The following CTTNBP2 variants were observed in gnomAD, a reference collection of about 807,000 sequenced individuals.
The protein encoded by CTTNBP2 is cortactin-binding protein 2.
A neutral mutation model predicts 156.9 loss-of-function variants in CTTNBP2; 108 were observed. The ratio of observed to expected loss-of-function variants is 0.69; its 90% confidence interval spans 0.59 to 0.81. The LOEUF (loss-of-function observed/expected upper bound fraction) is 0.81. Among genes scored for constraint, CTTNBP2 ranks in the 30% least tolerant of loss-of-function variants. The pLI is 0.00. For missense variants in CTTNBP2, 1,924 were observed against 2,035.4 expected (o/e 0.95, Z 1.05); for synonymous variants, 767 against 751.8 (o/e 1.02, Z -0.33).
Position 117,791,749 on chromosome 7 carries a change from C to G in CTTNBP2, c.1447G>C (p.Val483Leu). 1 of 1,614,200 alleles carries G rather than the reference C, an allele frequency of 6.2e-7. No individual in the cohort carries two copies. The highest frequency in any genetic ancestry group is 8.5e-7 in the Non-Finnish European group (1 of 1,180,048). The change falls in exon 4 of 23, where the codon GTG becomes CTG. Residue 483 changes from valine to leucine, a missense_variant. Physicochemically the swap from Val to Leu is conservative, Grantham distance 32 (BLOSUM62 1). Transcript: ENST00000160373. ...GTATTCCGAGCTAGTTGTTTGGCCACTAGGTTGTCACGACTTGTAGGCGAG... is the reference window on the plus strand; with the variant it reads ...GTATTCCGAGCTAGTTGTTTGGCCAGTAGGTTGTCACGACTTGTAGGCGAG... The part of the protein sequence containing the change: ...DVSPTSRDNL[V>L]AKQLARNTVT...
At chr7:117,810,308 C>G (rs528562722) in intron 3 of CTTNBP2, among the ~76,000 whole-genome samples, 2 of 152,218 alleles carry the variant, frequency 1.3e-5, no homozygotes, top group South Asian at 4.2e-4. Context: ...ATTTTCATTT[C>G]CCCCCGCCAA....
intron 2 of CTTNBP2, among the ~76,000 whole-genome samples, chr7:117,813,523 G>T (rs1800406990): frequency 6.6e-6 from 1 of 151,976 alleles, no homozygotes; most frequent in African/African-American, 2.4e-5. Flanking sequence ...TATTGAACAG[G>T]ACCTGAATCA....
chr7:117,747,874 G>A (rs1250667673), intron 12 of CTTNBP2, among the ~76,000 whole-genome samples: 1 of 152,180 alleles, frequency 6.6e-6, no homozygotes. Context: ...ATGACCACCA[G>A]GATTCAGACC....
At chr7:117,748,673 A>G (rs1796467832) in intron 12 of CTTNBP2, among the ~76,000 whole-genome samples, 1 of 152,204 alleles carries the variant, frequency 6.6e-6, no homozygotes, top group South Asian at 2.1e-4. Context: ...TTTCCTTGTA[A>G]TCTAAGCCCA....
At chr7:117,861,522 C>T (rs1354950770) in intron 1 of CTTNBP2, among the ~76,000 whole-genome samples, 2 of 152,130 alleles carry the variant, frequency 1.3e-5, no homozygotes, top group African/African-American at 4.8e-5. Context: ...ACTCTCCTCT[C>T]CAAGGAGCTA....
chr7:117,746,351 G>A (rs112895363), intron 12 of CTTNBP2, among the ~76,000 whole-genome samples: 1,865 of 152,164 alleles, frequency 0.012, 37 homozygotes, highest in African/African-American at 0.043. Flanking sequence ...CCATAGCGAG[G>A]GTCTGCAGGG....
intron 6 of CTTNBP2, among the ~76,000 whole-genome samples, chr7:117,782,227 T>C (rs1224907476): frequency 6.6e-6 from 1 of 152,164 alleles, no homozygotes; most frequent in African/African-American, 2.4e-5. Context: ...TATTTTCTAT[T>C]TTTTTAAGTT....
At chr7:117,844,570 G>T (rs975822091) in intron 2 of CTTNBP2, among the ~76,000 whole-genome samples, 33 of 152,180 alleles carry the variant, frequency 2.2e-4, no homozygotes, top group African/African-American at 8.0e-4. Flanking sequence ...TGGACAAAAA[G>T]GAATTGCAGT....
At chr7:117,797,005 C>A (rs1238768504) in intron 3 of CTTNBP2, among the ~76,000 whole-genome samples, 1 of 152,168 alleles carries the variant, frequency 6.6e-6, no homozygotes, top group Admixed American at 6.5e-5. Context: ...GAAGAGTAAA[C>A]CCTCCTGTAA....
At position 117,749,160 on chromosome 7, in the gene CTTNBP2, C is replaced by A. The variant is rs146606459; in HGVS notation, c.3349-3061G>T. On this transcript the variant is annotated intron_variant, in intron 12 of 22. Coordinates refer to ENST00000160373, the MANE Select transcript of CTTNBP2 (RefSeq NM_033427.3). Reference sequence around the variant, plus strand: ...GTGTGTTCTTCCCTGAGTTTTCAGACTGAAAACTGTTCTGCAGTATTCTTC... The same window carrying A: ...GTGTGTTCTTCCCTGAGTTTTCAGAATGAAAACTGTTCTGCAGTATTCTTC... Among the ~76,000 whole-genome samples the A allele has an allele frequency of 1.9e-3, 286 of 152,308 alleles. 3 individuals are homozygous for A. The highest frequency in any genetic ancestry group is 0.014 in the Middle Eastern group (4 of 294).
chr7:117,738,930 T>G (rs993125441), intron 14 of CTTNBP2, among the ~76,000 whole-genome samples: 2 of 152,206 alleles, frequency 1.3e-5, no homozygotes, highest in African/African-American at 4.8e-5. Context: ...ATGGACAGTT[T>G]GTGCCCTAGA....
At position 117,791,538 on chromosome 7, in the gene CTTNBP2, G is replaced by A. The variant is rs1169774539; in HGVS notation, c.1658C>T (p.Ser553Phe). The A allele has an allele frequency of 1.9e-6, 3 of 1,614,008 alleles. No homozygotes were observed. In the African/African-American group the frequency reaches 4.0e-5, roughly 22 times the overall value. ...PPIPPKKPGL[S>F]QTPSPPHPQL... is the part of the protein sequence containing the mutation. ...GGGGTGTGGTGGAGAAGGAGTTTGG[G>A]AGAGCCCTGGCTTTTTTGGAGGGAT... is the stretch of plus-strand genomic sequence containing the variant. Residue 553 changes from serine (S) to phenylalanine (F), a missense_variant, in exon 4 of 23, where the codon TCC (serine) becomes TTC (phenylalanine). Coordinates refer to ENST00000160373, the MANE Select transcript of CTTNBP2 (RefSeq NM_033427.3).
At chr7:117,780,280 C>T (rs564804607) in intron 7 of CTTNBP2, among the ~76,000 whole-genome samples, 161 bp downstream of exon 7, 10 of 152,296 alleles carry the variant, frequency 6.6e-5, no homozygotes, top group South Asian at 2.1e-4. Flanking sequence ...ATTTAATTAA[C>T]GGGAAAGAGA....
At chr7:117,776,386 T>C (rs1399314481) in intron 8 of CTTNBP2, among the ~76,000 whole-genome samples, 1 of 152,230 alleles carries the variant, frequency 6.6e-6, no homozygotes, top group Non-Finnish European at 1.5e-5. Flanking sequence ...TGTTCCTTTG[T>C]ACAAAACCTT....
At chr7:117,755,325 G>C (rs1409782790) in intron 12 of CTTNBP2, 1 of 276,624 alleles carries the variant, frequency 3.6e-6, no homozygotes, top group Non-Finnish European at 7.1e-6. Flanking sequence ...CTTTTCATAA[G>C]GCGTGAAAAC....
chr7:117,801,805 T>A (rs1350958474), intron 3 of CTTNBP2, among the ~76,000 whole-genome samples: 6 of 152,202 alleles, frequency 3.9e-5, no homozygotes, highest in Non-Finnish European at 5.9e-5. Context: ...CAACTGTGAA[T>A]CTGGGTAAAG....
intron 2 of CTTNBP2, among the ~76,000 whole-genome samples, chr7:117,825,556 C>G (rs950949850): frequency 6.6e-6 from 1 of 152,198 alleles, no homozygotes; most frequent in African/African-American, 2.4e-5. Flanking sequence ...TTAAATCTAG[C>G]AGGCATTCCT....
intron 11 of CTTNBP2, among the ~76,000 whole-genome samples, chr7:117,757,545 A>G (rs922391467): frequency 4.0e-5 from 6 of 151,724 alleles, no homozygotes; most frequent in Admixed American, 1.3e-4. Context: ...AAAAAAAAAA[A>G]AAAAAAGACA....
At chr7:117,734,846 A>G in intron 16 of CTTNBP2, 67 bp downstream of exon 16, 1 of 1,318,300 alleles carries the variant, frequency 7.6e-7, no homozygotes, top group Non-Finnish European at 1.0e-6. Flanking sequence ...GTGGAACTCA[A>G]GCTGAGATCT....
Sources: allele counts gnomAD v4.1 joint callset (sites outside exome capture counted in the v4.1 genomes callset), GRCh38; gene constraint gnomAD v4.1.1; transcripts MANE v1.5; gene names NCBI Gene and HGNC (gene_info 2026-07-23, HGNC 2026-07-21).